MGAM: variants seen among roughly 807,000 people sequenced by gnomAD.
MGAM encodes maltase-glucoamylase, also known as alpha-1,4-glucosidase.
In MGAM, 253 loss-of-function variants were observed where a neutral mutation model predicts 358.8. That is an observed-to-expected ratio of 0.71 (90% confidence interval 0.64 to 0.78). MGAM has a LOEUF of 0.78. MGAM is among the 30% of genes least tolerant of loss of function. The pLI, the probability that MGAM is intolerant of heterozygous loss-of-function variation, is 0.00. For synonymous variants in MGAM, 1,105 were observed against 1,227.1 expected, an observed-to-expected ratio of 0.90 and a Z score of 2.08; for missense variants, 3,080 against 3,432.6, an observed-to-expected ratio of 0.90 and a Z score of 2.57.
chr7:142,054,974 C>A, intron 27 of MGAM, 66 bp downstream of exon 27: 2 of 1,531,186 alleles, frequency 1.3e-6, no homozygotes, highest in Non-Finnish European at 1.8e-6. Flanking sequence ...GGTCCATTGT[C>A]CTTGGATGTA....
In MGAM at chr7:142,027,661, A is replaced by G; in HGVS notation, c.1147A>G (p.Ser383Gly). Reference sequence around the variant, plus strand: ...CTACTGGGCGCTTGGATTTCACCTCAGTCGTTACGAATATGGAACCTTAGA... The same window carrying G: ...CTACTGGGCGCTTGGATTTCACCTCGGTCGTTACGAATATGGAACCTTAGA... The part of the protein sequence containing the change: ...PSYWALGFHL[S>G]RYEYGTLDNM... The change falls in exon 10 of 71, where the codon AGT becomes GGT. Residue 383 changes from serine to glycine, a missense_variant. Transcript: ENST00000475668. 2 of 1,613,790 alleles carry G rather than the reference A, an allele frequency of 1.2e-6. No individual in the cohort carries two copies. The highest frequency in any genetic ancestry group is 1.7e-6 in the Non-Finnish European group (2 of 1,179,752).
intron 63 of MGAM, 98 bp downstream of exon 63, chr7:142,094,961 A>AT: frequency 8.7e-7 from 1 of 1,147,564 alleles, no homozygotes. Flanking sequence ...GATATCTTTA[A>AT]AATTTTTTTT....
Position 142,050,929 on chromosome 7 carries a change from T to C in MGAM, c.2805+65T>C, listed in dbSNP as rs1810892167. The stretch of plus-strand genomic sequence containing the variant: ...TCCATAGCATCGTGATGTTCCTTCT[T>C]GCCAAGTTTGCATGGGTCCCTGAAG... On this transcript the variant is annotated intron_variant, in intron 24 of 70. Transcript: ENST00000475668. 53 of 1,607,494 alleles carry C rather than the reference T, an allele frequency of 3.3e-5. No individual in the cohort carries two copies. In the South Asian group the frequency reaches 5.4e-4, roughly 16 times the overall value.
upstream of MGAM, among the ~76,000 whole-genome samples, chr7:141,992,375 C>T (rs1435403653): frequency 6.6e-6 from 1 of 152,144 alleles, no homozygotes; most frequent in East Asian, 1.9e-4. Context: ...CCACACAAAC[C>T]TCCTATTCCT....
At chr7:141,993,376 G>A (rs782233534), upstream of MGAM, among the ~76,000 whole-genome samples, 3 of 152,160 alleles carry the variant, frequency 2.0e-5, no homozygotes, top group Admixed American at 2.0e-4. Context: ...TTTTAAAAAA[G>A]CATATACAGA....
chr7:142,050,002 T>C (rs867267865), intron 22 of MGAM, among the ~76,000 whole-genome samples: 10 of 152,208 alleles, frequency 6.6e-5, no homozygotes, highest in African/African-American at 1.9e-4. Flanking sequence ...ACTCCCACGT[T>C]CATTACAGCA....
intron 42 of MGAM, among the ~76,000 whole-genome samples, chr7:142,067,986 AT>A (rs71913806): frequency 4.6e-4 from 4 of 8,694 alleles, no homozygotes; most frequent in African/African-American, 7.1e-4. Flanking sequence ...ATATATATAT[AT>A]TTTTTTTTTT....
In MGAM at chr7:142,088,800, T is replaced by C. The variant is rs1563214343; in HGVS notation, c.6810+2083T>C. ...ATCTATCTATCTATCTATCTATCTA[T>C]CATTCTATCCTATCTATGTACCATC... On this transcript the variant is annotated intron_variant, in intron 57 of 70. Coordinates refer to ENST00000475668, the MANE Select transcript of MGAM (RefSeq NM_001365693.1). Among the ~76,000 whole-genome samples the C allele has an allele frequency of 2.1e-3, 261 of 123,834 alleles. 19 individuals carry two copies. The highest frequency in any genetic ancestry group is 0.016 in the East Asian group (64 of 3,904). 81.2% of individuals were successfully genotyped at this position (123,834 alleles called of 152,430 possible). A position where few individuals can be genotyped will look rare whatever the true frequency, so the allele number is the denominator to read the frequency against.
chr7:142,079,101 A>T, intron 49 of MGAM, 93 bp downstream of exon 49: 1 of 1,106,072 alleles, frequency 9.0e-7, no homozygotes, highest in South Asian at 1.4e-5. Flanking sequence ...AAATAAGTTA[A>T]TCATGCTACA....
chr7:142,044,464 TATATG>T (rs1214147162), intron 21 of MGAM, among the ~76,000 whole-genome samples: 59 of 137,050 alleles, frequency 4.3e-4, no homozygotes, highest in East Asian at 1.1e-3. Flanking sequence ...ACACATACGA[TATATG>T]ATATATAATG....
At chr7:142,033,926 C>G (rs1314400842) in intron 14 of MGAM, among the ~76,000 whole-genome samples, 3 of 152,156 alleles carry the variant, frequency 2.0e-5, no homozygotes, top group Non-Finnish European at 4.4e-5. Flanking sequence ...TTTACACTTT[C>G]ATTCAGTATT....
chr7:142,018,585 T>A (rs1554457060), intron 3 of MGAM, among the ~76,000 whole-genome samples: 1 of 152,204 alleles, frequency 6.6e-6, no homozygotes, highest in African/African-American at 2.4e-5. Context: ...AAAGAAACTA[T>A]CTTCATTTTG....
chr7:142,053,103 A>G, intron 26 of MGAM, 119 bp downstream of exon 26: 1 of 1,139,258 alleles, frequency 8.8e-7, no homozygotes, highest in South Asian at 1.5e-5. Flanking sequence ...CTATATCATT[A>G]TCCAGAGAGC....
intron 47 of MGAM, among the ~76,000 whole-genome samples, chr7:142,077,854 T>C (rs1813869339): frequency 6.9e-6 from 1 of 145,540 alleles, no homozygotes; most frequent in African/African-American, 2.4e-5. Flanking sequence ...AACCAGGTCA[T>C]ATGATTCTTA....
chr7:142,053,564 C>T (rs551600103), intron 26 of MGAM, among the ~76,000 whole-genome samples: 1 of 152,146 alleles, frequency 6.6e-6, no homozygotes, highest in Non-Finnish European at 1.5e-5. Context: ...TCATTTCTTT[C>T]CAGAATTTAA....
At chr7:142,064,739 C>T (rs1207756542) in intron 37 of MGAM, among the ~76,000 whole-genome samples, 2 of 152,124 alleles carry the variant, frequency 1.3e-5, no homozygotes, top group African/African-American at 4.8e-5. Flanking sequence ...CATGGTCCCA[C>T]CAGTGAAAAA....
chr7:142,054,916 G>T lies in MGAM; in HGVS notation c.3314+8G>T. On this transcript the variant is annotated splice_region_variant and intron_variant, in intron 27 of 70. Transcript: ENST00000475668. ...GAGTACAGGCACTATAATGTGAGTG[G>T]CTTCTAGTGTGACTCAGAGTTGATG... 1 of 1,613,104 alleles carries T rather than the reference G, an allele frequency of 6.2e-7. No individual in the cohort carries two copies. The highest frequency in any genetic ancestry group is 1.1e-5 in the South Asian group (1 of 90,958).
intron 62 of MGAM, 45 bp downstream of exon 62, chr7:142,094,699 A>G (rs757960475): frequency 6.2e-6 from 10 of 1,612,848 alleles, no homozygotes; most frequent in Non-Finnish European, 8.5e-6. Flanking sequence ...AGGTGGGGAC[A>G]TCTTTCAGAA....
At chr7:142,078,555 A>G (rs1813947565) in intron 48 of MGAM, 85 bp downstream of exon 48, 2 of 1,299,990 alleles carry the variant, frequency 1.5e-6, no homozygotes, top group Admixed American at 5.1e-5. Flanking sequence ...CACTTATATA[A>G]CTACTTAAAA....
Sources: gnomAD v4.1 joint callset for allele counts (sites outside exome capture counted in the v4.1 genomes callset) on GRCh38, gnomAD v4.1.1 for gene constraint, MANE v1.5 for transcripts, NCBI Gene and HGNC (gene_info 2026-07-23, HGNC 2026-07-21) for gene names.